ACTR3C: variants seen among roughly 807,000 people sequenced by gnomAD.
ACTR3C encodes actin-related protein 3C.
ACTR3C carries 18 observed loss-of-function variants against 26.3 expected under a neutral mutation model. The ratio of observed to expected loss-of-function variants is 0.68; its 90% CI spans 0.47 to 1.01. ACTR3C has a LOEUF of 1.01. ACTR3C is among the 50% of genes least tolerant of loss of function. ACTR3C has a pLI of 0.00. For missense variants in ACTR3C, 184 were observed against 250.7 expected (o/e 0.73, Z 1.80); for synonymous variants, 55 against 94.5 (o/e 0.58, Z 2.42).
the ACTR3C span, among the ~76,000 whole-genome samples, chr7:150,138,416 A>G: frequency 6.6e-6 from 1 of 152,240 alleles, no homozygotes. Context: ...TAAGGATTTA[A>G]AATAGGCCAT....
At chr7:150,017,180 T>C in the ACTR3C span, among the ~76,000 whole-genome samples, 21 of 152,006 alleles carry the variant, frequency 1.4e-4, 1 homozygote, top group African/African-American at 4.8e-4. Context: ...TTGACTTCCC[T>C]TGTACTCCTT....
At chr7:149,966,864 T>G in the ACTR3C span, among the ~76,000 whole-genome samples, 10,675 of 151,634 alleles carry the variant, frequency 0.07, 1,100 homozygotes, top group African/African-American at 0.23. Context: ...CTTTCCTTTT[T>G]TTTTGTGTGT....
the ACTR3C span, among the ~76,000 whole-genome samples, chr7:150,108,093 G>A: frequency 8.7e-5 from 13 of 149,980 alleles, no homozygotes; most frequent in African/African-American, 3.2e-4. Context: ...TGATAGCAGT[G>A]GGTAGGACGG....
At chr7:150,184,097 G>A in the ACTR3C span, among the ~76,000 whole-genome samples, 22 of 150,718 alleles carry the variant, frequency 1.5e-4, no homozygotes, top group Admixed American at 8.5e-4. Flanking sequence ...TCATAGCAGC[G>A]TGAGAACAGA....
chr7:150,003,495 G>C, the ACTR3C span, among the ~76,000 whole-genome samples: 4 of 151,008 alleles, frequency 2.6e-5, no homozygotes, highest in East Asian at 7.8e-4. Flanking sequence ...GTGGTATGTA[G>C]GATGTGTGGC....
chr7:150,135,026 C>T, the ACTR3C span, among the ~76,000 whole-genome samples: 3 of 152,364 alleles, frequency 2.0e-5, no homozygotes, highest in East Asian at 5.8e-4. Flanking sequence ...GATCTCCTGA[C>T]CTCGTGATCC....
At chr7:149,923,593 C>T in the ACTR3C span, among the ~76,000 whole-genome samples, 1 of 152,092 alleles carries the variant, frequency 6.6e-6, no homozygotes, top group Non-Finnish European at 1.5e-5. Flanking sequence ...GCAGCAACAA[C>T]TTTCATAAAG....
chr7:150,149,145 TTCTC>T, the ACTR3C span, among the ~76,000 whole-genome samples: 1 of 139,934 alleles, frequency 7.1e-6, no homozygotes, highest in African/African-American at 2.6e-5. Context: ...CATTTGGATT[TTCTC>T]TCTTTGAATT....
intron 6 of ACTR3C, among the ~76,000 whole-genome samples, chr7:150,278,578 T>C (rs557605769): frequency 1.3e-5 from 2 of 152,332 alleles, no homozygotes; most frequent in Non-Finnish European, 2.9e-5. Flanking sequence ...CTGACATTAC[T>C]CGATGTTGCC....
At chr7:150,024,603 G>A in the ACTR3C span, among the ~76,000 whole-genome samples, 1 of 149,636 alleles carries the variant, frequency 6.7e-6, no homozygotes, top group East Asian at 2.0e-4. Flanking sequence ...CCAAACAAAC[G>A]GGCACAGGTT....
chr7:150,167,426 T>C, the ACTR3C span, among the ~76,000 whole-genome samples: 1 of 150,958 alleles, frequency 6.6e-6, no homozygotes, highest in Non-Finnish European at 1.5e-5. Flanking sequence ...ATTGTATTAA[T>C]AATTCTTATC....
At chr7:150,195,591 A>AG in the ACTR3C span, among the ~76,000 whole-genome samples, 5 of 152,120 alleles carry the variant, frequency 3.3e-5, no homozygotes, top group South Asian at 2.1e-4. Flanking sequence ...AGATCACTTC[A>AG]GGGGGGGCCA....
chr7:149,915,165 C>T, the ACTR3C span, among the ~76,000 whole-genome samples: 5,465 of 152,060 alleles, frequency 0.036, 343 homozygotes, highest in African/African-American at 0.12. Flanking sequence ...CATGAGCCAC[C>T]GCGCATGGCA....
At chr7:150,190,809 G>T in the ACTR3C span, among the ~76,000 whole-genome samples, 494 of 152,256 alleles carry the variant, frequency 3.2e-3, 1 homozygote, top group African/African-American at 0.011. Context: ...AGCACAGCTG[G>T]GGAGGCCTCA....
At chr7:150,076,387 A>G in the ACTR3C span, among the ~76,000 whole-genome samples, 11 of 152,176 alleles carry the variant, frequency 7.2e-5, no homozygotes, top group African/African-American at 2.7e-4. Context: ...CTCACATATA[A>G]ATATATCTAC....
the ACTR3C span, among the ~76,000 whole-genome samples, chr7:149,992,005 A>C: frequency 2.4e-5 from 2 of 83,606 alleles, 1 homozygote; most frequent in Non-Finnish European, 5.9e-5. Flanking sequence ...ATGTAAGCAC[A>C]CACACAGAGG....
At chr7:150,034,923 G>A in the ACTR3C span, among the ~76,000 whole-genome samples, 94 of 146,752 alleles carry the variant, frequency 6.4e-4, no homozygotes, top group Admixed American at 1.3e-3. Flanking sequence ...CTGCGATGGG[G>A]GTACTAACAG....
the ACTR3C span, among the ~76,000 whole-genome samples, chr7:149,994,331 C>G: frequency 5.3e-5 from 8 of 152,308 alleles, no homozygotes; most frequent in South Asian, 4.1e-4. Context: ...GGCACGGTGG[C>G]TCATGCCTGT....
chr7:150,202,850 G>A, the ACTR3C span, among the ~76,000 whole-genome samples: 2 of 152,194 alleles, frequency 1.3e-5, no homozygotes, highest in Non-Finnish European at 2.9e-5. Flanking sequence ...AAAGTAGATA[G>A]CACAGCTGAC....
Sources: allele counts gnomAD v4.1 joint callset (sites outside exome capture counted in the v4.1 genomes callset), GRCh38; gene constraint gnomAD v4.1.1; transcripts MANE v1.5; gene names NCBI Gene and HGNC (gene_info 2026-07-23, HGNC 2026-07-21).